The following GLI3 variants were observed in gnomAD, a reference collection of about 807,000 sequenced individuals.
GLI3 encodes GLI family zinc finger 3, also known as transcription activator GLI3.
Under a neutral mutation model 100.8 loss-of-function variants are expected in GLI3, and 20 were observed. The observed-to-expected ratio is 0.20, with a 90% CI of 0.14 to 0.29. GLI3 has a LOEUF of 0.29. Among genes scored for constraint, GLI3 ranks in the 10% least tolerant of loss-of-function variants. The pLI, the probability that GLI3 is intolerant of heterozygous loss-of-function variation, is 1.00. For missense variants in GLI3, 2,040 were observed against 2,128.5 expected (o/e 0.96, Z 0.82); for synonymous variants, 938 against 860.5 (o/e 1.09, Z -1.58).
At chr7:42,076,899 T>G in intron 3 of GLI3, 42 bp from the exon 4 acceptor site, 1 of 1,153,294 alleles carries the variant, frequency 8.7e-7, no homozygotes, top group Non-Finnish European at 1.3e-6. Context: ...AATGAACACT[T>G]TCAAACAGCA....
chr7:42,204,947 G>T (rs1316622331), intron 2 of GLI3, among the ~76,000 whole-genome samples: 1 of 152,058 alleles, frequency 6.6e-6, no homozygotes, highest in African/African-American at 2.4e-5. Flanking sequence ...CAGACAAAAG[G>T]CCAACCAAAC....
At chr7:42,223,669 A>C (rs1444358253) in intron 1 of GLI3, among the ~76,000 whole-genome samples, 18 of 152,236 alleles carry the variant, frequency 1.2e-4, no homozygotes. Context: ...GGCCAACTTT[A>C]CAGGAAGGGG....
intron 9 of GLI3, among the ~76,000 whole-genome samples, chr7:42,024,260 C>T (rs78876415): frequency 0.015 from 2,344 of 152,274 alleles, 64 homozygotes; most frequent in African/African-American, 0.054. Flanking sequence ...TTCCTAAACC[C>T]CTGTGGCAGC....
At chr7:42,054,376 A>G (rs1179164531) in intron 4 of GLI3, among the ~76,000 whole-genome samples, 1 of 152,216 alleles carries the variant, frequency 6.6e-6, no homozygotes, top group East Asian at 1.9e-4. Flanking sequence ...TGCATTACCC[A>G]TTATGAGAGC....
intron 2 of GLI3, among the ~76,000 whole-genome samples, chr7:42,222,193 T>C (rs1342720809): frequency 6.6e-6 from 1 of 152,206 alleles, no homozygotes; most frequent in Non-Finnish European, 1.5e-5. Context: ...ATGTAAAAAC[T>C]TGTAAATCAA....
At chr7:42,021,074 C>G (rs953209396) in intron 10 of GLI3, among the ~76,000 whole-genome samples, 1 of 152,126 alleles carries the variant, frequency 6.6e-6, no homozygotes, top group South Asian at 2.1e-4. Flanking sequence ...AGAAAGTACA[C>G]GCATGTCATG....
At chr7:42,203,057 T>C (rs1300501667) in intron 2 of GLI3, among the ~76,000 whole-genome samples, 1 of 152,220 alleles carries the variant, frequency 6.6e-6, no homozygotes, top group Non-Finnish European at 1.5e-5. Flanking sequence ...GGCTCTGATT[T>C]CCTCCCTCCT....
chr7:42,140,318 G>T (rs1190606073), intron 3 of GLI3, among the ~76,000 whole-genome samples: 2 of 152,168 alleles, frequency 1.3e-5, no homozygotes, highest in African/African-American at 4.8e-5. Context: ...TAGCACTTAG[G>T]TGACACTCAA....
intron 6 of GLI3, among the ~76,000 whole-genome samples, chr7:42,044,958 A>T (rs1472386965): frequency 2.0e-5 from 3 of 151,872 alleles, no homozygotes; most frequent in Non-Finnish European, 2.9e-5. Context: ...CGTGACCAAG[A>T]CTCACTGCAA....
At chr7:42,097,416 A>C (rs1266577775) in intron 3 of GLI3, among the ~76,000 whole-genome samples, 4 of 152,310 alleles carry the variant, frequency 2.6e-5, no homozygotes, top group African/African-American at 9.6e-5. Flanking sequence ...AGACGGTCTC[A>C]GCCTCACAGG....
rs114133827 is a variant in GLI3 at position 41,995,131 on chromosome 7, T to A, written c.1498-16383A>T. On this transcript the variant is annotated intron_variant, in intron 10 of 14. Coordinates refer to ENST00000395925, the MANE Select transcript of GLI3 (RefSeq NM_000168.6). ...TTTATCTAAAGTACATGCAAAATGA[T>A]GTCTGTATATTTCATTTGTCAGGTA... 7.0e-3 allele frequency among the ~76,000 whole-genome samples: 1,065 copies of A among 152,318 alleles called. 15 individuals are homozygous for A. The highest frequency in any genetic ancestry group is 0.025 in the African/African-American group (1,020 of 41,558).
At position 42,152,566 on chromosome 7, in the gene GLI3, C is replaced by T. The variant is rs368285181; in HGVS notation, c.125-4098G>A. The T allele has an allele frequency of 1.1e-3, 271 of 238,028 alleles. 2 individuals carry two copies. Among genetic ancestry groups the T allele is most frequent in the African/African-American group, 6.0e-3 (261 of 43,294 alleles). The allele number at this position is 238,028 out of a possible 1,614,324, so 14.7% of individuals were successfully genotyped here. A position where few individuals can be genotyped will look rare whatever the true frequency, so the allele number is the denominator to read the frequency against. ...TCATTAGTATTCTTTCTGAGTGCTT[C>T]CGAGTGAACTCTCCCTATTCAAGCC... is the stretch of plus-strand genomic sequence containing the variant. On this transcript the variant is annotated intron_variant, in intron 2 of 14. Transcript: ENST00000395925.
At chr7:42,148,127 T>A (rs1393866093) in intron 3 of GLI3, 99 bp downstream of exon 3, 1 of 1,237,010 alleles carries the variant, frequency 8.1e-7, no homozygotes, top group African/African-American at 1.6e-5. Flanking sequence ...CAAAACTTCA[T>A]AAAGCGCGCA....
chr7:41,989,157 G>T (rs1787910409), intron 10 of GLI3, among the ~76,000 whole-genome samples: 1 of 152,154 alleles, frequency 6.6e-6, no homozygotes, highest in Non-Finnish European at 1.5e-5. Context: ...CAAAAAGAAA[G>T]ATATAGAGTT....
chr7:41,964,528 G>A lies in GLI3; in HGVS notation c.4545C>T (p.His1515=). The A allele has an allele frequency of 6.2e-7, 1 of 1,613,874 alleles. No individual in the cohort carries two copies. Among genetic ancestry groups the A allele is most frequent in the Non-Finnish European group, 8.5e-7 (1 of 1,179,714 alleles). ...DFDAIIDDGD[H]SSLMSGALSP... ...TCAGGGCCCCCGACATCAGGCTGGA[G>A]TGGTCCCCATCGTCTATGATGGCAT... The change falls in exon 15 of 15, where the codon CAC becomes CAT. Residue 1515 remains histidine, a synonymous_variant. Coordinates refer to ENST00000395925, the MANE Select transcript of GLI3 (RefSeq NM_000168.6).
At chr7:42,083,671 A>C (rs1785042922) in intron 3 of GLI3, among the ~76,000 whole-genome samples, 1 of 151,724 alleles carries the variant, frequency 6.6e-6, no homozygotes, top group Admixed American at 6.6e-5. Flanking sequence ...TACATTTCAG[A>C]AAAAAAAATA....
rs1263345335 is a variant in GLI3, at chr7:41,965,353, A to C, written c.3720T>G (p.Ser1240Arg). 1.2e-6 allele frequency: 2 copies of C among 1,613,492 alleles called. No homozygotes were observed. The highest frequency in any genetic ancestry group is 3.3e-5 in the Admixed American group (2 of 59,988). The change falls in exon 15 of 15, where the codon AGT (serine) becomes AGG (arginine). Residue 1240 changes from serine (S) to arginine (R), a missense_variant. By Grantham distance (110) the Ser-to-Arg change is moderately radical. Transcript: ENST00000395925. ...MLHNSPGSGT[S>R]GNAFHEQPCK... ...AGGGCTGTTCATGGAAGGCGTTTCC[A>C]CTGGTGCCACTTCCGGGGCTGTTGT...
intron 10 of GLI3, among the ~76,000 whole-genome samples, chr7:42,018,821 G>A (rs1319225261): frequency 3.9e-5 from 6 of 152,088 alleles, no homozygotes; most frequent in African/African-American, 9.7e-5. Context: ...AATGCTTCAC[G>A]GAGACAAATG....
chr7:42,163,958 T>C (rs1787186515), intron 2 of GLI3, among the ~76,000 whole-genome samples: 1 of 152,228 alleles, frequency 6.6e-6, no homozygotes. Flanking sequence ...CTTGTCTTTA[T>C]CAATCTTTGA....
Sources: gnomAD v4.1 joint callset for allele counts (sites outside exome capture counted in the v4.1 genomes callset) on GRCh38, gnomAD v4.1.1 for gene constraint, MANE v1.5 for transcripts, NCBI Gene and HGNC (gene_info 2026-07-23, HGNC 2026-07-21) for gene names.